Variants in CRB1 observed in about 807,000 individuals in gnomAD.
CRB1 encodes crumbs cell polarity complex component 1, also known as protein crumbs homolog 1.
Under a neutral mutation model 120.0 loss-of-function variants are expected in CRB1, and 83 were observed. That is an observed-to-expected ratio of 0.69 (90% confidence interval 0.58 to 0.83). The LOEUF (loss-of-function observed/expected upper bound fraction) is 0.83. CRB1 is among the 40% of genes least tolerant of loss of function. CRB1 has a pLI of 0.00. For synonymous variants in CRB1, 625 were observed against 612.5 expected, an observed-to-expected ratio of 1.02 and a Z score of -0.30; for missense variants, 1,699 against 1,687.6, an observed-to-expected ratio of 1.01 and a Z score of -0.12.
chr1:197,405,045 GCCCTCTCCCTCT>G (rs558234588), intron 5 of CRB1, among the ~76,000 whole-genome samples: 18 of 145,300 alleles, frequency 1.2e-4, no homozygotes, highest in Admixed American at 4.1e-4. Flanking sequence ...GCTCGCCCTC[GCCCTCTCCCTCT>G]CCCTCTCCCT....
chr1:197,435,644 T>C (rs189407124), intron 9 of CRB1, 32 bp downstream of exon 9: 2 of 1,570,772 alleles, frequency 1.3e-6, no homozygotes, highest in East Asian at 2.3e-5. Context: ...AGCTTGGTCT[T>C]TGAAGCTATA....
intron 1 of CRB1, among the ~76,000 whole-genome samples, chr1:197,284,469 C>A (rs754799476): frequency 2.0e-5 from 3 of 151,922 alleles, no homozygotes; most frequent in Non-Finnish European, 4.4e-5. Context: ...ATGTGATTAG[C>A]CCTATTTCTT....
At chr1:197,239,867 G>T in the CRB1 span, among the ~76,000 whole-genome samples, 1 of 147,904 alleles carries the variant, frequency 6.8e-6, no homozygotes, top group South Asian at 2.1e-4. Context: ...ATAACTTATT[G>T]TATATTATTT....
the CRB1 span, among the ~76,000 whole-genome samples, chr1:197,255,965 TTATATATATATA>T: frequency 1.5e-3 from 127 of 85,340 alleles, no homozygotes; most frequent in African/African-American, 3.5e-3. Flanking sequence ...ATAGAACATT[TTATATATATATA>T]TATATATATA....
intron 5 of CRB1, among the ~76,000 whole-genome samples, chr1:197,381,099 T>C (rs576698194): frequency 2.2e-4 from 34 of 152,318 alleles, no homozygotes; most frequent in African/African-American, 8.2e-4. Context: ...ATACCATCTT[T>C]GTGAGCGTTC....
At chr1:197,456,478 A>T (rs1666291178) in intron 11 of CRB1, among the ~76,000 whole-genome samples, 1 of 152,118 alleles carries the variant, frequency 6.6e-6, no homozygotes, top group African/African-American at 2.4e-5. Context: ...GTAAGTACAA[A>T]ATTGTCCCAT....
chr1:197,320,305 C>T (rs1329293883), intron 1 of CRB1, among the ~76,000 whole-genome samples: 1 of 152,194 alleles, frequency 6.6e-6, no homozygotes, highest in Non-Finnish European at 1.5e-5. Flanking sequence ...ACAGGTGGAG[C>T]TTTTCCTACT....
chr1:197,318,251 A>G (rs1339005051), intron 1 of CRB1, among the ~76,000 whole-genome samples: 1 of 152,204 alleles, frequency 6.6e-6, no homozygotes. Context: ...AAGATGTTCA[A>G]CATCAGAAAT....
At chr1:197,385,787 G>A (rs1335912102) in intron 5 of CRB1, among the ~76,000 whole-genome samples, 1 of 151,632 alleles carries the variant, frequency 6.6e-6, no homozygotes, top group Non-Finnish European at 1.5e-5. Flanking sequence ...ATCACTTTAG[G>A]TATGAAAATA....
chr1:197,288,926 A>T (rs1655997647), intron 1 of CRB1, among the ~76,000 whole-genome samples: 1 of 151,596 alleles, frequency 6.6e-6, no homozygotes, highest in African/African-American at 2.4e-5. Context: ...TGAAGAAATA[A>T]TGCCCAAACT....
At chr1:197,420,410 A>C (rs991874565) in intron 5 of CRB1, among the ~76,000 whole-genome samples, 2 of 152,324 alleles carry the variant, frequency 1.3e-5, no homozygotes, top group Non-Finnish European at 2.9e-5. Context: ...TATGGTATAG[A>C]CATCATGTTT....
the CRB1 span, among the ~76,000 whole-genome samples, chr1:197,219,649 C>T: frequency 3.3e-5 from 5 of 152,212 alleles, no homozygotes; most frequent in African/African-American, 1.2e-4. Context: ...ATGCAAATAT[C>T]CTCACATTAC....
chr1:197,294,791 C>T (rs575508294), intron 1 of CRB1, among the ~76,000 whole-genome samples: 1 of 152,054 alleles, frequency 6.6e-6, no homozygotes, highest in Admixed American at 6.6e-5. Flanking sequence ...TCATTCTCAG[C>T]AAACTGTCGC....
intron 9 of CRB1, chr1:197,438,211 T>C (rs1336893546): frequency 3.0e-6 from 1 of 329,428 alleles, no homozygotes; most frequent in Non-Finnish European, 5.9e-6. Flanking sequence ...ATGGCCTTTA[T>C]TGATTTATTA....
At chr1:197,209,273 C>T in the CRB1 span, among the ~76,000 whole-genome samples, 1 of 152,188 alleles carries the variant, frequency 6.6e-6, no homozygotes, top group Non-Finnish European at 1.5e-5. Context: ...ACTTTGCATT[C>T]AATCAAAATT....
intron 8 of CRB1, among the ~76,000 whole-genome samples, chr1:197,433,335 G>A (rs759299994): frequency 6.6e-6 from 1 of 152,116 alleles, no homozygotes; most frequent in African/African-American, 2.4e-5. Flanking sequence ...CTTAATGAAA[G>A]ATGATGGTGG....
rs368180811 is a variant in CRB1 at position 197,354,466 on chromosome 1, G to A, written c.989-2365G>A. Among the ~76,000 whole-genome samples, 113 of 152,264 alleles carry A rather than the reference G, an allele frequency of 7.4e-4. 1 individual carries two copies. The highest frequency in any genetic ancestry group is 2.4e-3 in the African/African-American group (99 of 41,558). Reference sequence around the variant, plus strand: ...AGTCTGTTCTTTCTGATGTTCGGACGTGTTCAGAGTTTCTTCTTTCTGGTG... The same window carrying A: ...AGTCTGTTCTTTCTGATGTTCGGACATGTTCAGAGTTTCTTCTTTCTGGTG... On this transcript the variant is annotated intron_variant, in intron 4 of 11. Transcript: ENST00000367400.
At chr1:197,222,997 A>C in the CRB1 span, 1 of 799,544 alleles carries the variant, frequency 1.3e-6, no homozygotes, top group African/African-American at 1.7e-5. Flanking sequence ...TGGTAGAGTT[A>C]GTCACTATTA....
At chr1:197,224,650 G>T in the CRB1 span, among the ~76,000 whole-genome samples, 1 of 151,768 alleles carries the variant, frequency 6.6e-6, no homozygotes, top group East Asian at 1.9e-4. Flanking sequence ...TACCTTTTTT[G>T]GATACCATAT....
Sources: allele counts gnomAD v4.1 joint callset (sites outside exome capture counted in the v4.1 genomes callset), GRCh38; gene constraint gnomAD v4.1.1; transcripts MANE v1.5; gene names NCBI Gene and HGNC (gene_info 2026-07-23, HGNC 2026-07-21).